Variants in ENGASE observed in about 807,000 individuals in gnomAD.
ENGASE encodes cytosolic endo-beta-N-acetylglucosaminidase.
In ENGASE, 69 loss-of-function variants were observed where a neutral mutation model predicts 78.5. That is an observed-to-expected ratio of 0.88 (90% CI 0.72 to 1.07). The LOEUF is 1.07. Ranked by LOEUF, ENGASE falls within the 50% of genes least tolerant of loss-of-function variation. The probability of loss-of-function intolerance (pLI) is 0.00; values close to 1 mark genes in which losing one functional copy is unlikely to be tolerated. For missense variants in ENGASE, 943 were observed against 988.4 expected, an observed-to-expected ratio of 0.95 and a Z score of 0.62; for synonymous variants, 408 against 408.9, an observed-to-expected ratio of 1.00 and a Z score of 0.03.
At chr17:79,080,173 C>A (rs200823742) in intron 4 of ENGASE, 34 bp from the exon 5 acceptor site, 4 of 1,556,702 alleles carry the variant, frequency 2.6e-6, no homozygotes, top group Non-Finnish European at 2.6e-6. Flanking sequence ...AAGTGATTCC[C>A]GTGGCTGACC....
chr17:79,087,049 C>T lies in ENGASE; in HGVS notation c.*700C>T, dbSNP rs1431737302. The T allele has an allele frequency of 2.1e-6, 1 of 481,268 alleles. No individual in the cohort carries two copies. The highest frequency in any genetic ancestry group is 1.5e-5 in the South Asian group (1 of 66,170). The allele number at this position is 481,268 out of a possible 1,614,324, so 29.8% of individuals were successfully genotyped here. The stretch of plus-strand genomic sequence containing the variant: ...ATCTCCGGAGCGTTTTCAGCAGCCC[C>T]TGGCTCTGCGGCGTCTCTTCCGGGC... On this transcript the variant is annotated 3_prime_UTR_variant, in exon 14 of 14. Transcript: ENST00000579016.
At chr17:79,081,238 C>T (rs993039736) in intron 6 of ENGASE, among the ~76,000 whole-genome samples, 165 bp downstream of exon 6, 8 of 152,206 alleles carry the variant, frequency 5.3e-5, no homozygotes, top group African/African-American at 1.9e-4. Flanking sequence ...CGCAGTGGCT[C>T]ATGTCTGTAA....
In ENGASE at chr17:79,086,896, G is replaced by C. The variant is rs928473229; in HGVS notation, c.*547G>C. The stretch of plus-strand genomic sequence containing the variant: ...GGAGAACCGTCCTCCCAGTGTGGAA[G>C]GCCCTTTTCCCTGAGGAGTGGGCAT... On this transcript the variant is annotated 3_prime_UTR_variant, in exon 14 of 14. Transcript: ENST00000579016. The C allele has an allele frequency of 9.6e-5, 44 of 456,048 alleles. No homozygotes were observed. Among genetic ancestry groups the C allele is most frequent in the South Asian group, 1.5e-4 (10 of 64,610 alleles). 28.3% of individuals were successfully genotyped at this position (456,048 alleles called of 1,614,324 possible). A position where few individuals can be genotyped will look rare whatever the true frequency, so the allele number is the denominator to read the frequency against.
intron 6 of ENGASE, 41 bp from the exon 7 acceptor site, chr17:79,081,857 T>A: frequency 6.3e-7 from 1 of 1,578,390 alleles, no homozygotes; most frequent in East Asian, 2.2e-5. Context: ...GCCCCATCCT[T>A]CTGGGCCTGG....
intron 5 of ENGASE, among the ~76,000 whole-genome samples, chr17:79,080,719 T>G (rs1263464842): frequency 6.6e-6 from 1 of 152,258 alleles, no homozygotes; most frequent in Non-Finnish European, 1.5e-5. Flanking sequence ...TCTGTGTTCA[T>G]GTCCTTCTTG....
chr17:79,081,103 G>T, intron 6 of ENGASE, 30 bp downstream of exon 6: 2 of 1,536,996 alleles, frequency 1.3e-6, no homozygotes, highest in African/African-American at 1.4e-5. Context: ...CTGTGAGGGG[G>T]CAGGTGCCGT....
rs771205190 is a variant in ENGASE, at chr17:79,085,220, G to A, written c.1592-14G>A. 19 of 1,603,500 alleles carry A rather than the reference G, an allele frequency of 1.2e-5. No homozygotes were observed. Among genetic ancestry groups the A allele is most frequent in the Admixed American group, 1.7e-5 (1 of 59,990 alleles). On this transcript the variant is annotated splice_polypyrimidine_tract_variant and intron_variant, in intron 11 of 13. Coordinates refer to ENST00000579016, the MANE Select transcript of ENGASE (RefSeq NM_001042573.3). ...GAGATTCTCCTTTTTCAAGTTCCGT[G>A]TCTCCTTCTGCAGCAGAAACAAGCT...
chr17:79,085,546 TTGGGGCCTCTGGACGGCTCACCC>T, intron 12 of ENGASE, 51 bp from the exon 13 acceptor site: 9 of 1,584,932 alleles, frequency 5.7e-6, no homozygotes, highest in Admixed American at 1.8e-5. Context: ...CTGCTGTGGC[TTGGGGCCTCTGGACGGCTCACCC>T]TGGAGCCTCT....
chr17:79,074,892 C>A lies in ENGASE; in HGVS notation c.-53C>A. ...CGCACTTCCCATTGGCCGAGCGCGGCGCGGGGGCGGGCCCGGGCCTGCGAT... is the reference window on the plus strand; with the variant it reads ...CGCACTTCCCATTGGCCGAGCGCGGAGCGGGGGCGGGCCCGGGCCTGCGAT... On this transcript the variant is annotated 5_prime_UTR_variant, in exon 1 of 14. Transcript: ENST00000579016. The A allele has an allele frequency of 8.0e-7, 1 of 1,242,794 alleles. No homozygotes were observed. Among genetic ancestry groups the A allele is most frequent in the Admixed American group, 3.7e-5 (1 of 27,294 alleles). The allele number at this position is 1,242,794 out of a possible 1,614,324, so 77.0% of individuals were successfully genotyped here.
chr17:79,077,936 G>GGTGGGGGGGC, intron 3 of ENGASE, 72 bp downstream of exon 3: 1 of 721,532 alleles, frequency 1.4e-6, no homozygotes, highest in Non-Finnish European at 2.2e-6. Flanking sequence ...GGAGGGGCGG[G>GGTGGGGGGGC]AGAGAGTGCC....
intron 12 of ENGASE, 110 bp from the exon 13 acceptor site, chr17:79,085,510 C>T (rs1219716691): frequency 1.7e-5 from 25 of 1,486,744 alleles, no homozygotes; most frequent in Non-Finnish European, 2.1e-5. Context: ...CTGGGGTCCC[C>T]CATGACCCTG....
At chr17:79,079,362 T>C in intron 3 of ENGASE, 127 bp from the exon 4 acceptor site, 1 of 1,051,000 alleles carries the variant, frequency 9.5e-7, no homozygotes, top group Admixed American at 2.3e-5. Context: ...GAGATGGGGT[T>C]TTGCCATGTT....
chr17:79,078,055 C>G (rs1002753101), intron 3 of ENGASE, among the ~76,000 whole-genome samples, 191 bp downstream of exon 3: 1 of 152,168 alleles, frequency 6.6e-6, no homozygotes, highest in Non-Finnish European at 1.5e-5. Context: ...AAAGGGAAGA[C>G]TGGGCTGGGC....
At position 79,083,224 on chromosome 17, in the gene ENGASE, A is replaced by T. The variant is rs1346874829; in HGVS notation, c.1142+101A>T. On this transcript the variant is annotated intron_variant, in intron 8 of 13. Coordinates refer to ENST00000579016, the MANE Select transcript of ENGASE (RefSeq NM_001042573.3). The surrounding 1 kb of genome is among the most constrained non-coding windows in gnomAD (Gnocchi z 4.9). ...TTTGTGCTCTTTAGTGACCCTTCCT[A>T]TGGGGGGGTGGTTAAGGGAGGATGA... 6 of 928,608 alleles carry T rather than the reference A, an allele frequency of 6.5e-6. No individual in the cohort carries two copies. Among genetic ancestry groups the T allele is most frequent in the Non-Finnish European group, 1.0e-5 (6 of 601,608 alleles). 57.5% of individuals were successfully genotyped at this position (928,608 alleles called of 1,614,324 possible). A position where few individuals can be genotyped will look rare whatever the true frequency, so the allele number is the denominator to read the frequency against.
Position 79,085,975 on chromosome 17 carries a change from C to T in ENGASE, c.1858C>T (p.Gln620Ter), listed in dbSNP as rs189396338. The change falls in exon 14 of 14, where the codon CAG becomes TAG. Residue 620 changes from glutamine (Q) to a stop codon, truncating the protein, a stop_gained. Coordinates refer to ENST00000579016, the MANE Select transcript of ENGASE (RefSeq NM_001042573.3). LOFTEE classifies it low-confidence loss of function (END_TRUNC). ...CCTGCTGGCCCCTCTGCCCCAGGTGCAGGCCGTCACCATCTCTCACATCCG... is the reference window on the plus strand; with the variant it reads ...CCTGCTGGCCCCTCTGCCCCAGGTGTAGGCCGTCACCATCTCTCACATCCG... Reference protein sequence around the residue: ...ASLLAPLPQVQAVTISHIRWQ... With the variant: ...ASLLAPLPQV 1.2e-6 allele frequency: 2 copies of T among 1,606,894 alleles called. No individual in the cohort carries two copies. Among genetic ancestry groups the T allele is most frequent in the African/African-American group, 1.3e-5 (1 of 75,068 alleles).
Position 79,083,604 on chromosome 17 carries a change from TTCCC to T in ENGASE, c.1251+18_1251+21del. ...TGCTATGGCCAGGTGGGTGGGTGTCTTCCCTCCGTGTCTGTCCTCTGGCCTCAGC... is the reference window on the plus strand; with the variant it reads ...TGCTATGGCCAGGTGGGTGGGTGTCTTCCGTGTCTGTCCTCTGGCCTCAGC... On this transcript the variant is annotated intron_variant, in intron 9 of 13. Transcript: ENST00000579016. The surrounding 1 kb of genome is among the most constrained non-coding windows in gnomAD (Gnocchi z 4.9). The T allele has an allele frequency of 6.2e-7, 1 of 1,607,248 alleles. No individual in the cohort carries two copies. The highest frequency in any genetic ancestry group is 1.1e-5 in the South Asian group (1 of 90,914).
In ENGASE at chr17:79,077,726, T is replaced by G. The variant is rs1378019266; in HGVS notation, c.278T>G (p.Leu93Arg). 1 of 1,614,190 alleles carries G rather than the reference T, an allele frequency of 6.2e-7. No individual in the cohort carries two copies. The highest frequency in any genetic ancestry group is 1.1e-5 in the South Asian group (1 of 91,086). The change falls in exon 3 of 14, where the codon CTC becomes CGC. Residue 93 changes from leucine (L) to arginine (R), a missense_variant. Transcript: ENST00000579016. ...TTTTACTTGTCTTCGCTGGAGGAGCTCTTGGCGTGGAAGCCCCGCTTGGAG... is the reference window on the plus strand; with the variant it reads ...TTTTACTTGTCTTCGCTGGAGGAGCGCTTGGCGTGGAAGCCCCGCTTGGAG... ...ISFYLSSLEE[L>R]LAWKPRLEDG...
intron 5 of ENGASE, among the ~76,000 whole-genome samples, chr17:79,080,706 A>G (rs1050379431): frequency 3.3e-5 from 5 of 151,164 alleles, no homozygotes; most frequent in African/African-American, 1.2e-4. Context: ...TCTTTTCCTG[A>G]CTTCTGTGTT....
At position 79,075,040 on chromosome 17, in the gene ENGASE, G is replaced by A. The variant is rs1378285581; in HGVS notation, c.96G>A (p.Glu32=). Residue 32 remains glutamate (E), a synonymous_variant, in exon 1 of 14, where the codon GAG becomes GAA. Coordinates refer to ENST00000579016, the MANE Select transcript of ENGASE (RefSeq NM_001042573.3). ...CGGCCCCGGAGGCGGGGACGCAGGAGGAGCAGGAGGATCAGGAGCCGCGGC... is the reference window on the plus strand; with the variant it reads ...CGGCCCCGGAGGCGGGGACGCAGGAAGAGCAGGAGGATCAGGAGCCGCGGC... ...GLAAPEAGTQ[E]EQEDQEPRPR... The A allele has an allele frequency of 2.5e-6, 3 of 1,205,710 alleles. No homozygotes were observed. The highest frequency in any genetic ancestry group is 3.1e-6 in the Non-Finnish European group (3 of 968,070). 74.7% of individuals were successfully genotyped at this position (1,205,710 alleles called of 1,614,324 possible).
Sources: allele counts gnomAD v4.1 joint callset (sites outside exome capture counted in the v4.1 genomes callset), GRCh38; gene constraint gnomAD v4.1.1; non-coding constraint Gnocchi (gnomAD v3.1); transcripts MANE v1.5; gene names NCBI Gene and HGNC (gene_info 2026-07-23, HGNC 2026-07-21).